Variants in KANK1 observed in about 807,000 individuals in gnomAD.
KANK1 encodes KN motif and ankyrin repeat domains 1.
In KANK1, 109 loss-of-function variants were observed where a neutral mutation model predicts 106.2. The observed-to-expected ratio is 1.03, with a 90% CI of 0.88 to 1.20. The LOEUF (loss-of-function observed/expected upper bound fraction) is 1.20, where lower values mean the gene tolerates loss of function less well. Ranked by LOEUF, KANK1 falls within the 50% of genes most tolerant of loss-of-function variation. The pLI, the probability that KANK1 is intolerant of heterozygous loss-of-function variation, is 0.00. For missense variants in KANK1, 2,399 were observed against 1,710.7 expected, an observed-to-expected ratio of 1.40 and a Z score of -7.10; for synonymous variants, 873 against 652.2, an observed-to-expected ratio of 1.34 and a Z score of -5.16.
At position 613,255 on chromosome 9, in the gene KANK1, A is replaced by G. The variant is rs770337344; in HGVS notation, c.-83-63635A>G. Among the ~76,000 whole-genome samples, 4 of 151,276 alleles carry G rather than the reference A, an allele frequency of 2.6e-5. No individual in the cohort carries two copies. The Admixed American group carries it at 2.7e-4, about 10-fold the overall frequency. On this transcript the variant is annotated intron_variant, in intron 1 of 11. Transcript: ENST00000382297. The stretch of plus-strand genomic sequence containing the variant: ...TAAGCTAGCAACTCAAGAAAAGCAC[A>G]AGTAGTCACCATATAGGGACAAGTG...
At chr9:472,416 T>G (rs573846820) in intron 2 of KANK1, among the ~76,000 whole-genome samples, 3 of 152,336 alleles carry the variant, frequency 2.0e-5, no homozygotes, top group African/African-American at 7.2e-5. Context: ...GGTGTCTGCT[T>G]CTTAGCACCA....
At chr9:684,518 C>T in intron 2 of KANK1, 1 of 985,432 alleles carries the variant, frequency 1.0e-6, no homozygotes, top group Middle Eastern at 5.2e-4. Context: ...TAAAACAGCC[C>T]TTCCTACAAG....
intron 1 of KANK1, among the ~76,000 whole-genome samples, chr9:512,772 G>C (rs1034240819): frequency 6.6e-6 from 1 of 152,150 alleles, no homozygotes; most frequent in Non-Finnish European, 1.5e-5. Flanking sequence ...GTCTATGCTT[G>C]AGTTCATAAA....
At chr9:718,298 C>CTT (rs60145502) in intron 3 of KANK1, among the ~76,000 whole-genome samples, 1,352 of 74,128 alleles carry the variant, frequency 0.018, 152 homozygotes, top group African/African-American at 0.059. Flanking sequence ...CTTGCTGTGT[C>CTT]TTTTTTTTTT....
chr9:649,015 T>G (rs903773055), intron 1 of KANK1, among the ~76,000 whole-genome samples: 4 of 152,204 alleles, frequency 2.6e-5, no homozygotes, highest in African/African-American at 9.7e-5. Flanking sequence ...GCGATGACAC[T>G]GAGAACAGCA....
chr9:618,327 C>T (rs1184383153), intron 1 of KANK1, among the ~76,000 whole-genome samples: 1 of 152,080 alleles, frequency 6.6e-6, no homozygotes, highest in Non-Finnish European at 1.5e-5. Flanking sequence ...CCTGCCTCAG[C>T]CTCCCGAGTA....
chr9:725,127 G>A (rs1830327652), intron 3 of KANK1, among the ~76,000 whole-genome samples: 1 of 152,154 alleles, frequency 6.6e-6, no homozygotes, highest in Non-Finnish European at 1.5e-5. Context: ...AGAAAGCATT[G>A]TGCTGTTGAT....
intron 1 of KANK1, among the ~76,000 whole-genome samples, chr9:622,355 T>G (rs1833346540): frequency 6.6e-6 from 1 of 152,160 alleles, no homozygotes; most frequent in Non-Finnish European, 1.5e-5. Flanking sequence ...TAAGTCATGG[T>G]CACTGCCCTG....
In KANK1 at chr9:582,613, T is replaced by C. The variant is rs138069823; in HGVS notation, c.-84+77859T>C. Among the ~76,000 whole-genome samples, 314 of 152,264 alleles carry C rather than the reference T, an allele frequency of 2.1e-3. 1 individual carries two copies. The highest frequency in any genetic ancestry group is 7.1e-3 in the African/African-American group (293 of 41,550). On this transcript the variant is annotated intron_variant, in intron 1 of 11. Coordinates refer to ENST00000382297, the MANE Select transcript of KANK1 (RefSeq NM_015158.5). ...GCTGCCTTGCCCATAGCACAACCAA[T>C]GCATTTAAAAAATAAAAACATTTGG...
chr9:533,939 C>G (rs1271967667), intron 1 of KANK1, among the ~76,000 whole-genome samples: 2 of 152,174 alleles, frequency 1.3e-5, no homozygotes, highest in Non-Finnish European at 2.9e-5. Context: ...TGGAGATTGA[C>G]TAGCTGACAC....
In KANK1 at chr9:599,026, T is replaced by A. The variant is rs1014365142; in HGVS notation, c.-83-77864T>A. 3.3e-5 allele frequency among the ~76,000 whole-genome samples: 5 copies of A among 149,818 alleles called. No individual in the cohort carries two copies. The East Asian group carries it at 5.8e-4, about 18-fold the overall frequency. Reference sequence around the variant, plus strand: ...ATTTGTATTTATTATTATTATTTTTTTTTTTTTTTGAGACGGAGTTTCGCT... The same window carrying A: ...ATTTGTATTTATTATTATTATTTTTATTTTTTTTTGAGACGGAGTTTCGCT... On this transcript the variant is annotated intron_variant, in intron 1 of 11. Coordinates refer to ENST00000382297, the MANE Select transcript of KANK1 (RefSeq NM_015158.5).
intron 2 of KANK1, among the ~76,000 whole-genome samples, chr9:683,098 C>G (rs1244390126): frequency 6.6e-6 from 1 of 152,168 alleles, no homozygotes; most frequent in Non-Finnish European, 1.5e-5. Flanking sequence ...CACAGCACAG[C>G]AGAGGCAGTG....
chr9:613,939 A>T lies in KANK1; in HGVS notation c.-83-62951A>T, dbSNP rs7034853. 9.4e-3 allele frequency among the ~76,000 whole-genome samples: 1,427 copies of T among 152,286 alleles called. 32 individuals carry two copies. Among genetic ancestry groups the T allele is most frequent in the African/African-American group, 0.033 (1,372 of 41,542 alleles). On this transcript the variant is annotated intron_variant, in intron 1 of 11. Transcript: ENST00000382297. ...ATAAAGGATCTCATTTCTGCGCCCT[A>T]CAGGAAAGAGTAGTTCTCCTTTTTC...
At chr9:658,596 A>G (rs1433429762) in intron 1 of KANK1, among the ~76,000 whole-genome samples, 1 of 151,990 alleles carries the variant, frequency 6.6e-6, no homozygotes, top group East Asian at 1.9e-4. Context: ...AGGTTTTCTT[A>G]AGTTTTATAG....
At chr9:547,090 T>A (rs1186658269) in intron 1 of KANK1, among the ~76,000 whole-genome samples, 1 of 152,202 alleles carries the variant, frequency 6.6e-6, no homozygotes, top group Non-Finnish European at 1.5e-5. Flanking sequence ...GGAGGAGAAT[T>A]AATTAGCAGC....
chr9:516,289 T>C (rs917098810), intron 1 of KANK1, among the ~76,000 whole-genome samples: 6 of 151,668 alleles, frequency 4.0e-5, no homozygotes, highest in Admixed American at 3.3e-4. Context: ...TTTGGAGTTA[T>C]ACTTCAGGAG....
At chr9:576,232 G>C (rs1053566830) in intron 1 of KANK1, among the ~76,000 whole-genome samples, 3 of 152,182 alleles carry the variant, frequency 2.0e-5, no homozygotes, top group African/African-American at 7.2e-5. Context: ...AGTACCACTA[G>C]CTTCATACCA....
chr9:479,552 C>T (rs1332422930), intron 3 of KANK1, among the ~76,000 whole-genome samples: 1 of 152,198 alleles, frequency 6.6e-6, no homozygotes, highest in Non-Finnish European at 1.5e-5. Flanking sequence ...GGTGATTCAG[C>T]TGCTAAATGG....
chr9:472,263 A>G (rs1054111052), intron 2 of KANK1, among the ~76,000 whole-genome samples: 12 of 152,350 alleles, frequency 7.9e-5, no homozygotes, highest in Admixed American at 6.5e-4. Context: ...AAGGAAGTCA[A>G]TGTCACCACT....
Sources: allele counts gnomAD v4.1 joint callset (sites outside exome capture counted in the v4.1 genomes callset), GRCh38; gene constraint gnomAD v4.1.1; transcripts MANE v1.5; gene names NCBI Gene and HGNC (gene_info 2026-07-23, HGNC 2026-07-21).